The following GRIA4 variants were observed in gnomAD, a reference collection of about 807,000 sequenced individuals.
GRIA4 encodes glutamate receptor 4.
A neutral mutation model predicts 104.0 loss-of-function variants in GRIA4; 34 were observed. The ratio of observed to expected loss-of-function variants is 0.33; its 90% CI spans 0.25 to 0.44. The LOEUF (loss-of-function observed/expected upper bound fraction) is 0.44. GRIA4 is among the 20% of genes least tolerant of loss of function. The pLI, the probability that GRIA4 is intolerant of heterozygous loss-of-function variation, is 1.00. For missense variants in GRIA4, 750 were observed against 1,096.5 expected, an observed-to-expected ratio of 0.68 and a Z score of 4.46; for synonymous variants, 386 against 381.9, an observed-to-expected ratio of 1.01 and a Z score of -0.13.
chr11:105,659,265 T>A (rs534455853), intron 3 of GRIA4, among the ~76,000 whole-genome samples: 1 of 152,068 alleles, frequency 6.6e-6, no homozygotes, highest in African/African-American at 2.4e-5. Flanking sequence ...GCCAAGTACT[T>A]ACTTATGAAG....
At chr11:105,902,975 T>C (rs1946912724) in intron 7 of GRIA4, among the ~76,000 whole-genome samples, 1 of 152,226 alleles carries the variant, frequency 6.6e-6, no homozygotes, top group Admixed American at 6.5e-5. Context: ...CATGTTGATT[T>C]ATTTTTATAT....
At chr11:105,798,972 G>GAAAGTACAGAGGAAAGTATTAGTATTA (rs1257677947) in intron 4 of GRIA4, among the ~76,000 whole-genome samples, 3 of 151,982 alleles carry the variant, frequency 2.0e-5, no homozygotes, top group Non-Finnish European at 4.4e-5. Context: ...GTATTAAGAT[G>GAAAGTACAGAGGAAAGTATTAGTATTA]GTATTTAACT....
At chr11:105,775,401 A>G (rs944469994) in intron 4 of GRIA4, among the ~76,000 whole-genome samples, 20 of 152,186 alleles carry the variant, frequency 1.3e-4, no homozygotes, top group African/African-American at 4.8e-4. Flanking sequence ...AAGGCATGCT[A>G]AAGATACTAT....
At chr11:105,895,044 C>T (rs1946600794) in intron 6 of GRIA4, among the ~76,000 whole-genome samples, 1 of 103,120 alleles carries the variant, frequency 9.7e-6, no homozygotes, top group African/African-American at 3.5e-5. Flanking sequence ...CATGATCCAC[C>T]CGCCTCGGCC....
intron 3 of GRIA4, chr11:105,614,486 GA>G (rs1485196234): frequency 2.0e-5 from 3 of 151,628 alleles, no homozygotes; most frequent in Non-Finnish European, 3.0e-5. Flanking sequence ...TTAAAAAGTA[GA>G]AAAAAATATG....
intron 14 of GRIA4, among the ~76,000 whole-genome samples, chr11:105,943,407 A>G (rs1444207908): frequency 6.6e-6 from 1 of 152,092 alleles, no homozygotes; most frequent in Admixed American, 6.6e-5. Context: ...CAGGCCTATA[A>G]AAGGACTTGT....
At chr11:105,795,410 C>T (rs1439020199) in intron 4 of GRIA4, among the ~76,000 whole-genome samples, 1 of 152,148 alleles carries the variant, frequency 6.6e-6, no homozygotes, top group East Asian at 1.9e-4. Context: ...CTTGGCTCCC[C>T]CTGAAAAACT....
chr11:105,964,062 C>T (rs481203), intron 14 of GRIA4, among the ~76,000 whole-genome samples: 152,088 of 152,292 alleles, frequency 1, 75,942 homozygotes, highest in Middle Eastern at 1. Context: ...TAGTTCCTCA[C>T]AGACACAAAA....
At chr11:105,706,811 A>G (rs1953718607) in intron 3 of GRIA4, 1 of 152,334 alleles carries the variant, frequency 6.6e-6, no homozygotes. Context: ...TGATGCAATA[A>G]AAAAGTTTGG....
At chr11:105,845,149 AGATG>A (rs1314578698) in intron 4 of GRIA4, among the ~76,000 whole-genome samples, 1 of 152,210 alleles carries the variant, frequency 6.6e-6, no homozygotes, top group African/African-American at 2.4e-5. Context: ...AATTTCAGCC[AGATG>A]GTCACTGGGG....
At chr11:105,654,722 A>G (rs1346929676) in intron 3 of GRIA4, among the ~76,000 whole-genome samples, 1 of 152,172 alleles carries the variant, frequency 6.6e-6, no homozygotes, top group African/African-American at 2.4e-5. Flanking sequence ...CAGCAGAAGT[A>G]GTCTGCATAC....
At chr11:105,760,725 T>A (rs528467867) in intron 4 of GRIA4, among the ~76,000 whole-genome samples, 5 of 152,058 alleles carry the variant, frequency 3.3e-5, no homozygotes, top group Non-Finnish European at 2.9e-5. Flanking sequence ...GGCCTATTCA[T>A]GTTTTTTTTT....
chr11:105,710,927 A>G (rs1953887801), intron 3 of GRIA4, among the ~76,000 whole-genome samples: 1 of 152,050 alleles, frequency 6.6e-6, no homozygotes, highest in South Asian at 2.1e-4. Context: ...TAGGAAACAA[A>G]AACTAAATAA....
intron 4 of GRIA4, among the ~76,000 whole-genome samples, chr11:105,794,463 G>GTA (rs1565241119): frequency 5.1e-5 from 2 of 39,292 alleles, no homozygotes; most frequent in South Asian, 7.9e-4. Flanking sequence ...CTGTGTGTGT[G>GTA]TATATGTATG....
At chr11:105,654,364 A>G (rs1490279402) in intron 3 of GRIA4, among the ~76,000 whole-genome samples, 1 of 152,136 alleles carries the variant, frequency 6.6e-6, no homozygotes, top group African/African-American at 2.4e-5. Context: ...TGAAAAAAAA[A>G]AAGGTATGTA....
intron 10 of GRIA4, 86 bp from the exon 11 acceptor site, chr11:105,918,626 T>G: frequency 1.5e-6 from 1 of 686,546 alleles, no homozygotes; most frequent in Non-Finnish European, 2.6e-6. Flanking sequence ...TACAATCTTT[T>G]GTCAAATTCT....
chr11:105,976,790 T>C (rs1859004621), intron 16 of GRIA4, among the ~76,000 whole-genome samples: 1 of 151,926 alleles, frequency 6.6e-6, no homozygotes, highest in South Asian at 2.1e-4. Context: ...AGACCATATG[T>C]AAAATCACTA....
At chr11:105,707,654 T>A (rs983557543) in intron 3 of GRIA4, 1 of 152,228 alleles carries the variant, frequency 6.6e-6, no homozygotes, top group African/African-American at 2.4e-5. Context: ...ATTCTTGCAA[T>A]GATAAATTTT....
At chr11:105,840,330 A>G (rs1017069367) in intron 4 of GRIA4, among the ~76,000 whole-genome samples, 3 of 152,136 alleles carry the variant, frequency 2.0e-5, no homozygotes, top group Admixed American at 2.0e-4. Context: ...ATCTTCAATA[A>G]CCAATTTCTA....
Sources: gnomAD v4.1 joint callset for allele counts (sites outside exome capture counted in the v4.1 genomes callset) on GRCh38, gnomAD v4.1.1 for gene constraint, MANE v1.5 for transcripts, NCBI Gene and HGNC (gene_info 2026-07-23, HGNC 2026-07-21) for gene names.